TENT4B: variants seen among roughly 807,000 people sequenced by gnomAD.
The protein encoded by TENT4B is PAP associated domain containing 5.
In TENT4B, 10 loss-of-function variants were observed where a neutral mutation model predicts 75.0. That is an observed-to-expected ratio of 0.13 (90% CI 0.08 to 0.23). The LOEUF (loss-of-function observed/expected upper bound fraction) is 0.23, where lower values mean the gene tolerates loss of function less well. Among genes scored for constraint, TENT4B ranks in the 10% least tolerant of loss-of-function variants. TENT4B has a pLI of 1.00. For synonymous variants in TENT4B, 350 were observed against 357.7 expected, an observed-to-expected ratio of 0.98 and a Z score of 0.24; for missense variants, 579 against 893.8, an observed-to-expected ratio of 0.65 and a Z score of 4.49.
chr16:50,155,272 G>GTGTGTGTGTGTGT (rs2037871396), intron 1 of TENT4B, among the ~76,000 whole-genome samples: 115 of 135,472 alleles, frequency 8.5e-4, no homozygotes, highest in Admixed American at 1.1e-3. Flanking sequence ...GGGTCTCGTG[G>GTGTGTGTGTGTGT]GTGTGTGTGT....
Position 50,182,491 on chromosome 16 carries a change from A to G in TENT4B, c.638+28232A>G, listed in dbSNP as rs188158657. 9.5e-4 allele frequency among the ~76,000 whole-genome samples: 145 copies of G among 152,338 alleles called. 1 individual carries two copies. The highest frequency in any genetic ancestry group is 1.7e-3 in the Non-Finnish European group (117 of 68,022). On this transcript the variant is annotated intron_variant, in intron 1 of 11. Transcript: ENST00000561678. ...CCCCTTAAGCTGATAGTATTGTGTC[A>G]TTGTAAAAGATCCCTTGTGAAAAAT...
chr16:50,213,180 C>T (rs2031379480), intron 2 of TENT4B, among the ~76,000 whole-genome samples: 1 of 152,134 alleles, frequency 6.6e-6, no homozygotes, highest in African/African-American at 2.4e-5. Context: ...CTGTCTCAGC[C>T]TCCCAAGTAG....
intron 11 of TENT4B, 112 bp from the exon 12 acceptor site, chr16:50,229,040 C>A: frequency 6.6e-7 from 1 of 1,514,564 alleles, no homozygotes; most frequent in Non-Finnish European, 8.8e-7. Flanking sequence ...AGTAAGGTAA[C>A]AATCTAGCCA....
At chr16:50,195,340 G>T (rs1256169546) in intron 1 of TENT4B, among the ~76,000 whole-genome samples, 1 of 152,194 alleles carries the variant, frequency 6.6e-6, no homozygotes, top group Non-Finnish European at 1.5e-5. Flanking sequence ...ATATAGCTTT[G>T]AAAGCCTAGC....
At position 50,153,461 on chromosome 16, in the gene TENT4B, G is replaced by A. The variant is rs1201131805; in HGVS notation, c.-161G>A. On this transcript the variant is annotated 5_prime_UTR_variant, in exon 1 of 12. Transcript: ENST00000561678. ...CGCCGGCGCCGGCCGGGCTCCCTGC[G>A]CGACCGCGCCGCCCGCGGCGGGCCC... The A allele has an allele frequency of 1.0e-6, 1 of 963,988 alleles. No individual in the cohort carries two copies. Among genetic ancestry groups the A allele is most frequent in the Non-Finnish European group, 1.2e-6 (1 of 813,548 alleles). 59.7% of individuals were successfully genotyped at this position (963,988 alleles called of 1,614,324 possible).
intron 10 of TENT4B, among the ~76,000 whole-genome samples, chr16:50,227,170 G>A (rs9937905): frequency 0.97 from 148,350 of 152,334 alleles, 72,237 homozygotes; most frequent in East Asian, 1. Flanking sequence ...CTCCTGTGCA[G>A]AATCTCCCTG....
chr16:50,195,457 G>C (rs2030166910), intron 1 of TENT4B, among the ~76,000 whole-genome samples: 1 of 152,168 alleles, frequency 6.6e-6, no homozygotes, highest in African/African-American at 2.4e-5. Context: ...AGAGGAAAGG[G>C]GAGGAAGTCA....
chr16:50,199,035 TG>T (rs1200773712), intron 1 of TENT4B, among the ~76,000 whole-genome samples: 2 of 152,244 alleles, frequency 1.3e-5, no homozygotes, highest in Non-Finnish European at 2.9e-5. Flanking sequence ...TGATTCTTTT[TG>T]GGGTTGGCTC....
intron 1 of TENT4B, among the ~76,000 whole-genome samples, chr16:50,162,203 T>C (rs890181357): frequency 5.3e-5 from 8 of 152,210 alleles, no homozygotes; most frequent in African/African-American, 1.9e-4. Context: ...CATTTACTTA[T>C]TGAAGGACAT....
At position 50,229,534 on chromosome 16, in the gene TENT4B, A is replaced by G; in HGVS notation, c.*206A>G. On this transcript the variant is annotated 3_prime_UTR_variant, in exon 12 of 12. Transcript: ENST00000561678. ...AACAAAACAAAAAAAAAAGCAAGCA[A>G]AAAAGAGGGAAAAAAAAGGCTGCTT... The G allele has an allele frequency of 7.9e-7, 1 of 1,267,768 alleles. No homozygotes were observed. Among genetic ancestry groups the G allele is most frequent in the South Asian group, 3.1e-5 (1 of 32,604 alleles). The allele number at this position is 1,267,768 out of a possible 1,614,324, so 78.5% of individuals were successfully genotyped here. A position where few individuals can be genotyped will look rare whatever the true frequency, so the allele number is the denominator to read the frequency against.
chr16:50,203,955 C>G (rs1171986806), intron 1 of TENT4B, among the ~76,000 whole-genome samples: 1 of 152,202 alleles, frequency 6.6e-6, no homozygotes, highest in Non-Finnish European at 1.5e-5. Flanking sequence ...TGAAGTCATT[C>G]TGCCTCTGGG....
chr16:50,179,916 C>G (rs1420564233), intron 1 of TENT4B, among the ~76,000 whole-genome samples: 1 of 151,988 alleles, frequency 6.6e-6, no homozygotes, highest in African/African-American at 2.4e-5. Context: ...CGTTGGGTTT[C>G]CTGTGGACCA....
At chr16:50,182,888 T>C (rs1405996677) in intron 1 of TENT4B, among the ~76,000 whole-genome samples, 1 of 137,742 alleles carries the variant, frequency 7.3e-6, no homozygotes, top group Non-Finnish European at 1.5e-5. Context: ...AGTTTTATTT[T>C]ACCTTTTTTT....
chr16:50,161,666 T>A (rs1352422365), intron 1 of TENT4B, among the ~76,000 whole-genome samples: 1 of 152,166 alleles, frequency 6.6e-6, no homozygotes, highest in Non-Finnish European at 1.5e-5. Context: ...TTTGAAATAA[T>A]TACAGATTTA....
chr16:50,180,411 T>C (rs1024768837), intron 1 of TENT4B, among the ~76,000 whole-genome samples: 2 of 152,160 alleles, frequency 1.3e-5, no homozygotes, highest in Admixed American at 1.3e-4. Flanking sequence ...CCTTCACATA[T>C]TTTTTGAAAT....
At chr16:50,158,446 A>C (rs1397946103) in intron 1 of TENT4B, among the ~76,000 whole-genome samples, 2 of 152,124 alleles carry the variant, frequency 1.3e-5, no homozygotes, top group Admixed American at 1.3e-4. Flanking sequence ...CCCCTCCAGA[A>C]CTGGCCATGG....
intron 10 of TENT4B, among the ~76,000 whole-genome samples, chr16:50,226,982 G>A (rs1189389274): frequency 6.6e-6 from 1 of 152,072 alleles, no homozygotes; most frequent in African/African-American, 2.4e-5. Flanking sequence ...TAGAATTTAT[G>A]TGTCAATTAT....
At chr16:50,181,047 A>C (rs568695935) in intron 1 of TENT4B, among the ~76,000 whole-genome samples, 1 of 152,382 alleles carries the variant, frequency 6.6e-6, no homozygotes, top group East Asian at 1.9e-4. Flanking sequence ...TATTGTAATG[A>C]AGTGAAGTTT....
Position 50,153,980 on chromosome 16 carries a change from C to G in TENT4B, c.359C>G (p.Ala120Gly). The change falls in exon 1 of 12, where the codon GCC becomes GGC. Residue 120 changes from alanine (A) to glycine (G), a missense_variant. Ala to Gly is a moderately conservative substitution (Grantham distance 60). Coordinates refer to ENST00000561678, the MANE Select transcript of TENT4B (RefSeq NM_001365324.3). ...AACAACAACCACCACCAGCCCGGGG[C>G]CTGGGCCCGCCGGGCGGGCTCCTCG... is the stretch of plus-strand genomic sequence containing the variant. ...NNNNNHHQPG[A>G]WARRAGSSAS... is the part of the protein sequence containing the mutation. 6.5e-7 allele frequency: 1 copy of G among 1,534,090 alleles called. No individual in the cohort carries two copies. The highest frequency in any genetic ancestry group is 8.7e-7 in the Non-Finnish European group (1 of 1,146,098).
Sources: gnomAD v4.1 joint callset for allele counts (sites outside exome capture counted in the v4.1 genomes callset) on GRCh38, gnomAD v4.1.1 for gene constraint, MANE v1.5 for transcripts, NCBI Gene and HGNC (gene_info 2026-07-23, HGNC 2026-07-21) for gene names.